Variants in NIF3L1 observed in about 807,000 individuals in gnomAD.
NIF3L1 encodes NIF3-like protein 1.
A neutral mutation model predicts 35.0 loss-of-function variants in NIF3L1; 26 were observed. The observed-to-expected ratio is 0.74, with a 90% CI of 0.54 to 1.03. NIF3L1 has a LOEUF of 1.03. Among genes scored for constraint, NIF3L1 ranks in the 50% least tolerant of loss-of-function variants. NIF3L1 has a pLI of 0.00. For missense variants in NIF3L1, 449 were observed against 466.3 expected (o/e 0.96, Z 0.34); for synonymous variants, 157 against 178.9 (o/e 0.88, Z 0.98).
rs758927328 is a variant in NIF3L1 at position 200,895,403 on chromosome 2, T to C, written c.726+13T>C. 2 of 1,613,452 alleles carry C rather than the reference T, an allele frequency of 1.2e-6. No homozygotes were observed. Among genetic ancestry groups the C allele is most frequent in the South Asian group, 2.2e-5 (2 of 91,064 alleles). On this transcript the variant is annotated intron_variant, in intron 4 of 6. Transcript: ENST00000409020. ...GTCACTGGAGAAGGTAATAAGAATA[T>C]TTTGTATTTGATCTTAAAATACTGT...
intron 5 of NIF3L1, among the ~76,000 whole-genome samples, chr2:200,898,149 G>A (rs2040348788): frequency 6.6e-6 from 1 of 150,480 alleles, no homozygotes; most frequent in African/African-American, 2.5e-5. Flanking sequence ...TTTTATAGGT[G>A]AACAATTGTG....
chr2:200,890,343 G>C (rs901645439), intron 1 of NIF3L1, among the ~76,000 whole-genome samples: 48 of 152,086 alleles, frequency 3.2e-4, no homozygotes, highest in African/African-American at 1.1e-3. Flanking sequence ...TAGGCGCCTA[G>C]TGAAACCCTG....
At chr2:200,902,394 C>A (rs1031103992) in intron 6 of NIF3L1, among the ~76,000 whole-genome samples, 1 of 151,996 alleles carries the variant, frequency 6.6e-6, no homozygotes, top group African/African-American at 2.4e-5. Context: ...GTGGTGAAAC[C>A]CCATCTCTAC....
chr2:200,894,993 C>G (rs1207511133), intron 3 of NIF3L1, among the ~76,000 whole-genome samples: 2 of 152,152 alleles, frequency 1.3e-5, no homozygotes, highest in South Asian at 2.1e-4. Context: ...GGTAACCTCT[C>G]AGACCCCCAC....
chr2:200,897,043 T>G, intron 4 of NIF3L1, 33 bp from the exon 5 acceptor site: 3 of 1,610,208 alleles, frequency 1.9e-6, no homozygotes, highest in African/African-American at 2.7e-5. Flanking sequence ...GGACTAACAA[T>G]GCACACCGTT....
At position 200,897,185 on chromosome 2, in the gene NIF3L1, G is replaced by A. The variant is rs765500350; in HGVS notation, c.836G>A (p.Arg279His). ...IKRHLKLSHIRLALGVGRTLE... is the reference protein window; with the variant it reads ...IKRHLKLSHIHLALGVGRTLE... ...AGACACCTAAAACTATCTCATATTC[G>A]CTTAGCCCTTGGGGTGGGGAGAACC... Residue 279 changes from arginine to histidine, a missense_variant, in exon 5 of 7, where the codon CGC (arginine) becomes CAC (histidine). Physicochemically the swap from Arg to His is conservative, Grantham distance 29 (BLOSUM62 0). Transcript: ENST00000409020. 18 of 1,613,618 alleles carry A rather than the reference G, an allele frequency of 1.1e-5. No individual in the cohort carries two copies. Among genetic ancestry groups the A allele is most frequent in the African/African-American group, 2.7e-5 (2 of 74,774 alleles).
chr2:200,890,201 T>C (rs1035830381), intron 1 of NIF3L1, among the ~76,000 whole-genome samples: 1 of 151,990 alleles, frequency 6.6e-6, no homozygotes, highest in South Asian at 2.1e-4. Flanking sequence ...CTACTAAAAA[T>C]ACAAAAATTA....
rs2040214116 is a variant in NIF3L1, at chr2:200,892,304, G to A, written c.361G>A (p.Val121Ile). The A allele has an allele frequency of 1.2e-6, 2 of 1,613,870 alleles. No individual in the cohort carries two copies. Among genetic ancestry groups the A allele is most frequent in the Admixed American group, 1.7e-5 (1 of 60,032 alleles). ...RLVIRALENR[V>I]GIYSPHTAYD... Reference sequence around the variant, plus strand: ...GGTGATCCGGGCTCTGGAGAACAGAGTCGGTATCTACTCTCCTCATACAGC... The same window carrying A: ...GGTGATCCGGGCTCTGGAGAACAGAATCGGTATCTACTCTCCTCATACAGC... The change falls in exon 2 of 7, where the codon GTC becomes ATC. Residue 121 changes from valine to isoleucine, a missense_variant. Physicochemically the swap from Val to Ile is conservative, Grantham distance 29. Transcript: ENST00000409020.
chr2:200,902,635 T>C (rs768449809), intron 6 of NIF3L1, among the ~76,000 whole-genome samples: 6 of 152,314 alleles, frequency 3.9e-5, no homozygotes, highest in Non-Finnish European at 7.4e-5. Context: ...TCACAACAGA[T>C]GAGATTCCCT....
Position 200,892,042 on chromosome 2 carries a change from C to T in NIF3L1, c.99C>T (p.Leu33=). 6.2e-7 allele frequency: 1 copy of T among 1,614,178 alleles called. No individual in the cohort carries two copies. Among genetic ancestry groups the T allele is most frequent in the South Asian group, 1.1e-5 (1 of 91,090 alleles). Residue 33 remains leucine (L), a synonymous_variant, in exon 2 of 7, where the codon CTC becomes CTT. Transcript: ENST00000409020. ...SSRSFMDLKA[L]LSSLNDFASL... ...GTTCCTTCATGGATTTGAAGGCTCT[C>T]CTTTCTTCCTTGAATGACTTTGCAT... is the stretch of plus-strand genomic sequence containing the variant.
intron 6 of NIF3L1, among the ~76,000 whole-genome samples, chr2:200,902,103 TAAAAG>T (rs1031050255): frequency 2.0e-5 from 3 of 152,200 alleles, no homozygotes; most frequent in Admixed American, 6.5e-5. Flanking sequence ...ATGGGAAAAT[TAAAAG>T]AGAACTCATT....
chr2:200,898,725 G>C (rs1377554800), intron 5 of NIF3L1, among the ~76,000 whole-genome samples: 2 of 152,110 alleles, frequency 1.3e-5, no homozygotes. Context: ...CTAAATACTT[G>C]GATTTTGGCT....
intron 5 of NIF3L1, chr2:200,899,114 G>T: frequency 6.5e-6 from 2 of 306,904 alleles, no homozygotes; most frequent in Non-Finnish European, 1.2e-5. Context: ...GCATTGTTCC[G>T]TATTTTGCGC....
At chr2:200,898,475 C>T (rs757179683) in intron 5 of NIF3L1, among the ~76,000 whole-genome samples, 4 of 152,090 alleles carry the variant, frequency 2.6e-5, no homozygotes, top group Non-Finnish European at 5.9e-5. Context: ...GCCCTTGACC[C>T]GTGGGAATTA....
rs146324845 is a variant in NIF3L1, at chr2:200,901,632, C to T, written c.950-1862C>T. Among the ~76,000 whole-genome samples, 222 of 152,240 alleles carry T rather than the reference C, an allele frequency of 1.5e-3. 2 individuals are homozygous for T. Among genetic ancestry groups the T allele is most frequent in the African/African-American group, 5.2e-3 (214 of 41,548 alleles). On this transcript the variant is annotated intron_variant, in intron 6 of 6. Coordinates refer to ENST00000409020, the MANE Select transcript of NIF3L1 (RefSeq NM_001369441.2). Reference sequence around the variant, plus strand: ...ATCACGCTTCCTGTGAGCCTGAGGCCGTGTTCTCATTGTATTAGGTTGTTA... The same window carrying T: ...ATCACGCTTCCTGTGAGCCTGAGGCTGTGTTCTCATTGTATTAGGTTGTTA...
chr2:200,895,116 T>C, intron 3 of NIF3L1, 148 bp from the exon 4 acceptor site: 1 of 716,100 alleles, frequency 1.4e-6, no homozygotes, highest in Non-Finnish European at 2.4e-6. Flanking sequence ...TTCTAGAAAA[T>C]GGATTAGTTT....
Position 200,903,501 on chromosome 2 carries a change from G to A in NIF3L1, c.957G>A (p.Met319Ile), listed in dbSNP as rs2040442623. Residue 319 changes from methionine to isoleucine, a missense_variant, in exon 7 of 7, where the codon ATG becomes ATA. Physicochemically the swap from Met to Ile is conservative, Grantham distance 10 (BLOSUM62 1). Coordinates refer to ENST00000409020, the MANE Select transcript of NIF3L1 (RefSeq NM_001369441.2). ...CTCTTCCCTTTTTGGTAGGTGAGATGTCCCATCATGATACTTTGGATGCTG... is the reference window on the plus strand; with the variant it reads ...CTCTTCCCTTTTTGGTAGGTGAGATATCCCATCATGATACTTTGGATGCTG... ...VEADLYLTGE[M>I]SHHDTLDAAS... is the part of the protein sequence containing the mutation. The A allele has an allele frequency of 6.2e-7, 1 of 1,612,042 alleles. No individual in the cohort carries two copies.
intron 5 of NIF3L1, among the ~76,000 whole-genome samples, chr2:200,898,197 C>A (rs890165452): frequency 6.6e-6 from 1 of 152,054 alleles, no homozygotes; most frequent in African/African-American, 2.4e-5. Context: ...TTCGTTCTCA[C>A]GCTGCTATGA....
chr2:200,896,996 A>G (rs2124890414), intron 4 of NIF3L1, 80 bp from the exon 5 acceptor site: 2 of 1,351,000 alleles, frequency 1.5e-6, no homozygotes, highest in Non-Finnish European at 1.0e-6. Context: ...GTAATCTCAC[A>G]GTGTGCATGT....
Sources: gnomAD v4.1 joint callset for allele counts (sites outside exome capture counted in the v4.1 genomes callset) on GRCh38, gnomAD v4.1.1 for gene constraint, MANE v1.5 for transcripts, NCBI Gene and HGNC (gene_info 2026-07-23, HGNC 2026-07-21) for gene names.